TACC2: variants seen among roughly 807,000 people sequenced by gnomAD.
The protein encoded by TACC2 is transforming acidic coiled-coil containing protein 2, also known as transforming acidic coiled-coil-containing protein 2.
Under a neutral mutation model 227.3 loss-of-function variants are expected in TACC2, and 137 were observed. That is an observed-to-expected ratio of 0.60 (90% CI 0.52 to 0.69). The LOEUF (loss-of-function observed/expected upper bound fraction) is 0.69, where lower values mean the gene tolerates loss of function less well. Among genes scored for constraint, TACC2 ranks in the 30% least tolerant of loss-of-function variants. The probability of loss-of-function intolerance (pLI) is 0.00; values close to 1 mark genes in which losing one functional copy is unlikely to be tolerated. For synonymous variants in TACC2, 1,523 were observed against 1,487.5 expected (o/e 1.02, Z -0.55); for missense variants, 3,470 against 3,694.4 (o/e 0.94, Z 1.57).
At chr10:122,173,855 C>T (rs1421103866) in intron 7 of TACC2, among the ~76,000 whole-genome samples, 1 of 152,230 alleles carries the variant, frequency 6.6e-6, no homozygotes, top group Non-Finnish European at 1.5e-5. Flanking sequence ...AAGCCAGCCC[C>T]TCTCTGGGGG....
chr10:122,103,209 G>A (rs144661493), intron 5 of TACC2, among the ~76,000 whole-genome samples: 1 of 152,246 alleles, frequency 6.6e-6, no homozygotes, highest in Admixed American at 6.5e-5. Flanking sequence ...TTCCCCTCCT[G>A]ACATGTCTAG....
chr10:122,240,464 G>T (rs1450048741), intron 18 of TACC2, among the ~76,000 whole-genome samples: 4 of 152,334 alleles, frequency 2.6e-5, no homozygotes, highest in Middle Eastern at 3.4e-3. Flanking sequence ...CCCAGCATTA[G>T]ACTTTGCAGA....
chr10:122,028,084 C>CTTTTTTTTTTTTTTTTTT (rs59135261), intron 2 of TACC2, among the ~76,000 whole-genome samples: 4 of 91,744 alleles, frequency 4.4e-5, no homozygotes, highest in Admixed American at 1.4e-4. Context: ...TTCTTTCTTT[C>CTTTTTTTTTTTTTTTTTT]TTTTTTTTTT....
At chr10:122,152,402 G>A (rs774998329) in intron 7 of TACC2, among the ~76,000 whole-genome samples, 1 of 152,362 alleles carries the variant, frequency 6.6e-6, no homozygotes, top group Middle Eastern at 3.4e-3. Context: ...CCAGGTCGGA[G>A]GACCTGCAGT....
chr10:122,003,308 G>T (rs2135132415), intron 1 of TACC2, among the ~76,000 whole-genome samples: 1 of 150,220 alleles, frequency 6.7e-6, no homozygotes, highest in Middle Eastern at 3.4e-3. Context: ...TTTCTTCTTT[G>T]TGCTTTTCTT....
At chr10:122,143,794 AT>A in intron 7 of TACC2, 88 bp downstream of exon 7, 1 of 1,437,360 alleles carries the variant, frequency 7.0e-7, no homozygotes, top group Non-Finnish European at 9.5e-7. Flanking sequence ...GGTGAGCCGC[AT>A]TTAGGATGGT....
chr10:122,194,717 C>T lies in TACC2; in HGVS notation c.5835-323C>T, dbSNP rs1467153179. On this transcript the variant is annotated intron_variant, in intron 7 of 22. Transcript: ENST00000369005. The surrounding 1 kb of genome is among the most constrained non-coding windows in gnomAD (Gnocchi z 4.4). ...GAACATGCAGAATGCCTCTCTCTCT[C>T]TATTTGAATCAATACCTAATAATGA... Among the ~76,000 whole-genome samples the T allele has an allele frequency of 6.6e-6, 1 of 152,192 alleles. No individual in the cohort carries two copies. Among genetic ancestry groups the T allele is most frequent in the African/African-American group, 2.4e-5 (1 of 41,442 alleles).
intron 5 of TACC2, among the ~76,000 whole-genome samples, chr10:122,126,348 T>TGTGTGTGTGTG (rs1555053352): frequency 2.2e-5 from 1 of 45,494 alleles, no homozygotes; most frequent in Non-Finnish European, 9.5e-5. Context: ...GTGTGTGTGT[T>TGTGTGTGTGTG]TGATGTTCAA....
At chr10:122,221,383 C>A (rs1039373606) in intron 11 of TACC2, among the ~76,000 whole-genome samples, 1 of 152,128 alleles carries the variant, frequency 6.6e-6, no homozygotes, top group African/African-American at 2.4e-5. Context: ...TCCAAGAGAC[C>A]CTGACAGAGT....
At chr10:122,155,760 A>G (rs2092419200) in intron 7 of TACC2, among the ~76,000 whole-genome samples, 2 of 152,020 alleles carry the variant, frequency 1.3e-5, no homozygotes, top group Non-Finnish European at 2.9e-5. Flanking sequence ...TCCGAAGGAA[A>G]TTGTTATCTG....
chr10:122,106,743 A>G (rs932996246), intron 5 of TACC2, among the ~76,000 whole-genome samples: 7 of 152,232 alleles, frequency 4.6e-5, no homozygotes, highest in Admixed American at 6.5e-5. Context: ...GCTTTTGGCT[A>G]CAAGTAACAG....
intron 5 of TACC2, 32 bp downstream of exon 5, chr10:122,088,623 A>G (rs367983089): frequency 1.7e-5 from 27 of 1,601,464 alleles, no homozygotes; most frequent in Non-Finnish European, 2.0e-5. Context: ...TTGGAAGGCC[A>G]TGATGCCTTC....
chr10:121,991,573 G>T (rs1953027960), intron 1 of TACC2, among the ~76,000 whole-genome samples: 1 of 152,168 alleles, frequency 6.6e-6, no homozygotes, highest in South Asian at 2.1e-4. Flanking sequence ...TCATTTCAAA[G>T]CTGAGCAGCT....
Position 122,085,190 on chromosome 10 carries a change from T to C in TACC2, c.2690T>C (p.Leu897Ser). 2 of 1,614,096 alleles carry C rather than the reference T, an allele frequency of 1.2e-6. No individual in the cohort carries two copies. The highest frequency in any genetic ancestry group is 1.7e-6 in the Non-Finnish European group (2 of 1,180,030). The change falls in exon 4 of 23, where the codon TTG becomes TCG. Residue 897 changes from leucine (L) to serine (S), a missense_variant. Leu to Ser is a moderately radical substitution (Grantham distance 145). Transcript: ENST00000369005. ...ACTCATGGAGGACAGGAGCAGGCTT[T>C]GGGATCAGAACTTCAAAGTCAGCTC... ...LPTHGGQEQA[L>S]GSELQSQLPK... is the part of the protein sequence containing the mutation.
chr10:122,219,058 C>T (rs1186119696), intron 11 of TACC2, among the ~76,000 whole-genome samples: 1 of 151,036 alleles, frequency 6.6e-6, no homozygotes, highest in Non-Finnish European at 1.5e-5. Context: ...TCTTGCTCTC[C>T]CCTGACCCCA....
chr10:122,108,674 G>A (rs2083225663), intron 5 of TACC2, among the ~76,000 whole-genome samples: 1 of 151,470 alleles, frequency 6.6e-6, no homozygotes, highest in Non-Finnish European at 1.5e-5. Context: ...TCAATCTCTT[G>A]ACTCATGATC....
intron 5 of TACC2, chr10:122,126,569 C>T (rs1592315772): frequency 6.6e-6 from 1 of 152,136 alleles, no homozygotes; most frequent in East Asian, 1.9e-4. Flanking sequence ...TATGCAAGCT[C>T]CTCTCTGATT....
Position 122,226,605 on chromosome 10 carries a change from T to G in TACC2, c.7724+124T>G. 1.7e-4 allele frequency: 26 copies of G among 155,384 alleles called. No homozygotes were observed. In the South Asian group the frequency reaches 2.4e-3, roughly 15 times the overall value. The allele number at this position is 155,384 out of a possible 1,614,324, so 9.6% of individuals were successfully genotyped here. ...ATTCAGGCGGCTGACATGCCACATA[T>G]TTTTTTTTTTTTTAATAGAGACAGA... On this transcript the variant is annotated intron_variant, in intron 13 of 22. Coordinates refer to ENST00000369005, the MANE Select transcript of TACC2 (RefSeq NM_206862.4).
At chr10:122,014,045 A>T (rs903435936) in intron 1 of TACC2, among the ~76,000 whole-genome samples, 2 of 151,892 alleles carry the variant, frequency 1.3e-5, no homozygotes, top group African/African-American at 2.4e-5. Flanking sequence ...AAAAAAGATA[A>T]TTTTTTCAAT....
Sources: allele counts gnomAD v4.1 joint callset (sites outside exome capture counted in the v4.1 genomes callset), GRCh38; gene constraint gnomAD v4.1.1; non-coding constraint Gnocchi (gnomAD v3.1); transcripts MANE v1.5; gene names NCBI Gene and HGNC (gene_info 2026-07-23, HGNC 2026-07-21).